The following MICAL2 variants were observed in gnomAD, a reference collection of about 807,000 sequenced individuals.
MICAL2 encodes microtubule associated monooxygenase, calponin and LIM domain containing 2, also known as [F-actin]-monooxygenase MICAL2.
A neutral mutation model predicts 127.3 loss-of-function variants in MICAL2; 77 were observed. That is an observed-to-expected ratio of 0.60 (90% CI 0.50 to 0.73). The LOEUF (loss-of-function observed/expected upper bound fraction) is 0.73. Ranked by LOEUF, MICAL2 falls within the 30% of genes least tolerant of loss-of-function variation. The pLI, the probability that MICAL2 is intolerant of heterozygous loss-of-function variation, is 0.00. For missense variants in MICAL2, 1,351 were observed against 1,434.4 expected (o/e 0.94, Z 0.94); for synonymous variants, 570 against 551.1 (o/e 1.03, Z -0.48).
At chr11:12,225,894 C>A in intron 13 of MICAL2, 1 of 467,628 alleles carries the variant, frequency 2.1e-6, no homozygotes, top group Non-Finnish European at 3.9e-6. Context: ...AGTAAAATAG[C>A]TCATAAATGT....
chr11:12,264,780 G>A (rs767823285), downstream of MICAL2, among the ~76,000 whole-genome samples: 1 of 152,160 alleles, frequency 6.6e-6, no homozygotes, highest in Non-Finnish European at 1.5e-5. Flanking sequence ...GTCAGGTGCT[G>A]GGCTGTGCAA....
intron 1 of MICAL2, among the ~76,000 whole-genome samples, chr11:12,278,797 A>G (rs898401965): frequency 1.3e-5 from 2 of 152,152 alleles, no homozygotes; most frequent in African/African-American, 4.8e-5. Context: ...AATGGCTGGT[A>G]TGGTCATTTC....
At position 12,223,437 on chromosome 11, in the gene MICAL2, G is replaced by C. The variant is rs769393638; in HGVS notation, c.1476G>C (p.Glu492Asp). Residue 492 changes from glutamate (E) to aspartate (D), a missense_variant, in exon 12 of 28, where the codon GAG becomes GAC. Coordinates refer to ENST00000683283, the MANE Select transcript of MICAL2 (RefSeq NM_001282663.2). ...TGAAGCATTTGTATATCACTAAGGA[G>C]CTGGAGCACTACCCTCTCGAGAGAC... ...HQVKHLYITK[E>D]LEHYPLERLG... The C allele has an allele frequency of 6.2e-7, 1 of 1,614,116 alleles. No homozygotes were observed.
chr11:12,357,966 T>C (rs1232195275), intron 34 of MICAL2, among the ~76,000 whole-genome samples: 2 of 152,198 alleles, frequency 1.3e-5, no homozygotes, highest in Admixed American at 6.5e-5. Flanking sequence ...ACCGCCTTTT[T>C]TGTTGTTTTG....
intron 3 of MICAL2, among the ~76,000 whole-genome samples, chr11:12,169,817 A>G (rs1856007618): frequency 6.6e-6 from 1 of 152,224 alleles, no homozygotes; most frequent in Non-Finnish European, 1.5e-5. Flanking sequence ...CTACATTTAA[A>G]AATTATAGGC....
chr11:12,262,436 TTCTA>T, intron 26 of MICAL2, 40 bp from the exon 27 acceptor site: 2 of 1,612,080 alleles, frequency 1.2e-6, no homozygotes, highest in African/African-American at 1.3e-5. Flanking sequence ...AAGCTCTCTT[TTCTA>T]TCTTTCTCTC....
intron 22 of MICAL2, among the ~76,000 whole-genome samples, chr11:12,251,370 C>T (rs1015704439): frequency 6.6e-6 from 1 of 151,984 alleles, no homozygotes; most frequent in African/African-American, 2.4e-5. Flanking sequence ...CCCAGGGCAA[C>T]ATTCACCTTC....
intron 1 of MICAL2, among the ~76,000 whole-genome samples, chr11:12,126,942 A>G (rs1194411496): frequency 6.6e-6 from 1 of 152,084 alleles, no homozygotes; most frequent in Non-Finnish European, 1.5e-5. Context: ...TGCAGTGCAG[A>G]TGGATAAGTT....
In MICAL2 at chr11:12,277,455, C is replaced by G. The variant is rs576389826; in HGVS notation, c.87+1289C>G. On this transcript the variant is annotated intron_variant, in intron 1 of 2. Transcript: ENST00000529028. ...ATCTAAAGGGAATAATTGCAACCAT[C>G]TTTGCAGACAAATTCCCACAGCCTC... 7.2e-4 allele frequency among the ~76,000 whole-genome samples: 110 copies of G among 152,306 alleles called. No homozygotes were observed. The Middle Eastern group carries it at 0.02, about 28-fold the overall frequency.
At chr11:12,333,216 C>T (rs1415338207) in intron 32 of MICAL2, among the ~76,000 whole-genome samples, 1 of 152,096 alleles carries the variant, frequency 6.6e-6, no homozygotes, top group African/African-American at 2.4e-5. Context: ...CACTTAATCC[C>T]GTTAGTTTTT....
chr11:12,241,594 G>A (rs1013633449), intron 18 of MICAL2, among the ~76,000 whole-genome samples: 20 of 152,240 alleles, frequency 1.3e-4, no homozygotes, highest in Admixed American at 2.0e-4. Context: ...AGGCCTTGCC[G>A]GTGCCAGAGT....
chr11:12,223,018 A>G (rs1857004226), intron 11 of MICAL2, among the ~76,000 whole-genome samples: 1 of 152,184 alleles, frequency 6.6e-6, no homozygotes, highest in African/African-American at 2.4e-5. Flanking sequence ...TGCTGATCTT[A>G]CCTGTCTCAA....
intron 7 of MICAL2, among the ~76,000 whole-genome samples, chr11:12,213,910 C>G (rs1436876439): frequency 6.6e-6 from 1 of 152,090 alleles, no homozygotes; most frequent in Non-Finnish European, 1.5e-5. Flanking sequence ...CTGGATACGC[C>G]CAGGAACATA....
At chr11:12,156,263 G>A (rs1020567451) in intron 2 of MICAL2, among the ~76,000 whole-genome samples, 3 of 152,150 alleles carry the variant, frequency 2.0e-5, no homozygotes, top group Non-Finnish European at 2.9e-5. Flanking sequence ...TTCGTAGTAG[G>A]GGTTTCAGAC....
At chr11:12,162,677 C>T (rs996946148) in intron 3 of MICAL2, among the ~76,000 whole-genome samples, 3 of 152,336 alleles carry the variant, frequency 2.0e-5, no homozygotes, top group Admixed American at 6.5e-5. Flanking sequence ...CTTGATATTA[C>T]CCCCACTTCT....
rs2279390 is a variant in MICAL2 at position 12,208,108 on chromosome 11, T to G, written c.558T>G (p.Val186=). 437,217 of 1,612,556 alleles carry G rather than the reference T, an allele frequency of 0.27. 64,423 individuals carry two copies. Among genetic ancestry groups the G allele is most frequent in the East Asian group, 0.49 (21,980 of 44,864 alleles). Residue 186 remains valine, a synonymous_variant, in exon 5 of 28, where the codon GTT becomes GTG. Transcript: ENST00000683283. ...ATGTGAATGTGGAGTTCGTGAAGGT[T>G]CTAGAGCCTCCTGAAGATCAAGAAA... ...EIHVNVEFVK[V]LEPPEDQENQ...
chr11:12,204,543 C>T (rs942030794), intron 4 of MICAL2, 86 bp downstream of exon 4: 1 of 1,330,072 alleles, frequency 7.5e-7, no homozygotes, highest in Non-Finnish European at 1.1e-6. Context: ...GAGTCCCCAG[C>T]TTGTTCCATC....
intron 3 of MICAL2, among the ~76,000 whole-genome samples, chr11:12,163,049 C>A (rs1237864328): frequency 6.6e-6 from 1 of 152,138 alleles, no homozygotes; most frequent in Non-Finnish European, 1.5e-5. Flanking sequence ...CTCCTGATAC[C>A]CCTGCATTCT....
At chr11:12,138,294 T>G (rs998864482) in intron 1 of MICAL2, 96 bp from the exon 2 acceptor site, 1 of 152,122 alleles carries the variant, frequency 6.6e-6, no homozygotes, top group Non-Finnish European at 1.5e-5. Flanking sequence ...CAAGGCAGAG[T>G]GCACAAGCAT....
Sources: allele counts gnomAD v4.1 joint callset (sites outside exome capture counted in the v4.1 genomes callset), GRCh38; gene constraint gnomAD v4.1.1; transcripts MANE v1.5; gene names NCBI Gene and HGNC (gene_info 2026-07-23, HGNC 2026-07-21).